The following CDH12 variants were observed in gnomAD, a reference collection of about 807,000 sequenced individuals.
CDH12 encodes the protein cadherin 12, also known as cadherin-12.
A neutral mutation model predicts 74.1 loss-of-function variants in CDH12; 41 were observed. The observed-to-expected ratio is 0.55, with a 90% CI of 0.43 to 0.72. The LOEUF (loss-of-function observed/expected upper bound fraction) is 0.72, where lower values mean the gene tolerates loss of function less well. Ranked by LOEUF, CDH12 falls within the 30% of genes least tolerant of loss-of-function variation. CDH12 has a pLI of 0.00. For missense variants in CDH12, 945 were observed against 977.2 expected, an observed-to-expected ratio of 0.97 and a Z score of 0.44; for synonymous variants, 399 against 355.0, an observed-to-expected ratio of 1.12 and a Z score of -1.39.
At chr5:22,709,280 C>T (rs1353214789) in intron 1 of CDH12, among the ~76,000 whole-genome samples, 1 of 152,016 alleles carries the variant, frequency 6.6e-6, no homozygotes, top group Admixed American at 6.6e-5. Flanking sequence ...CATTGAAAAG[C>T]TATATTTGTT....
chr5:22,160,983 G>A (rs1748310538), intron 4 of CDH12, among the ~76,000 whole-genome samples: 1 of 152,150 alleles, frequency 6.6e-6, no homozygotes, highest in Non-Finnish European at 1.5e-5. Flanking sequence ...AGTCATGCAT[G>A]GCTCTGCACG....
At chr5:22,803,515 C>G (rs1748637714) in intron 1 of CDH12, among the ~76,000 whole-genome samples, 1 of 152,122 alleles carries the variant, frequency 6.6e-6, no homozygotes, top group Non-Finnish European at 1.5e-5. Flanking sequence ...AATCAGACTC[C>G]AAGTTTTTGG....
chr5:21,923,265 A>T (rs1754440534), intron 6 of CDH12, among the ~76,000 whole-genome samples: 1 of 152,158 alleles, frequency 6.6e-6, no homozygotes, highest in Non-Finnish European at 1.5e-5. Context: ...AAAATCTTTT[A>T]AAAAAGATTT....
intron 3 of CDH12, among the ~76,000 whole-genome samples, chr5:22,343,629 A>G (rs963115840): frequency 6.6e-5 from 10 of 152,114 alleles, no homozygotes; most frequent in Non-Finnish European, 1.3e-4. Context: ...TGTGTTAGCC[A>G]GGATGGTCTC....
At chr5:22,368,759 A>G (rs966157562) in intron 3 of CDH12, among the ~76,000 whole-genome samples, 4 of 152,156 alleles carry the variant, frequency 2.6e-5, no homozygotes, top group Non-Finnish European at 4.4e-5. Flanking sequence ...TTCTAGTGAC[A>G]ATGCACAAAT....
Position 21,751,862 on chromosome 5 carries a change from T to C in CDH12, c.2260A>G (p.Ile754Val), listed in dbSNP as rs776845591. ...TCGGCTTCTGTGGTGAGAGAGTCTA[T>C]AGAGCTGAGGGACTCTGCCACGGAC... ...SGSVAESLSS[I>V]DSLTTEADQD... The change falls in exon 15 of 15, where the codon ATA (isoleucine) becomes GTA (valine). Residue 754 changes from isoleucine (I) to valine (V), a missense_variant. Coordinates refer to ENST00000382254, the MANE Select transcript of CDH12 (RefSeq NM_004061.5). 6.2e-6 allele frequency: 10 copies of C among 1,613,928 alleles called. No homozygotes were observed. The East Asian group carries it at 1.1e-4, about 18-fold the overall frequency.
chr5:21,767,045 A>G (rs1410492883), intron 11 of CDH12, among the ~76,000 whole-genome samples: 1 of 151,924 alleles, frequency 6.6e-6, no homozygotes, highest in African/African-American at 2.4e-5. Flanking sequence ...TTTGACAATT[A>G]TATAGGTACT....
intron 3 of CDH12, among the ~76,000 whole-genome samples, chr5:22,316,787 A>T (rs971809700): frequency 2.6e-5 from 4 of 152,162 alleles, no homozygotes; most frequent in African/African-American, 9.7e-5. Context: ...GTTATTTAAT[A>T]CTATAATGAT....
chr5:22,762,134 T>A (rs1360515215), intron 1 of CDH12, among the ~76,000 whole-genome samples: 3 of 152,098 alleles, frequency 2.0e-5, no homozygotes, highest in African/African-American at 7.2e-5. Flanking sequence ...AACCTATACA[T>A]CACCCAGTTA....
intron 5 of CDH12, among the ~76,000 whole-genome samples, chr5:21,980,109 C>T (rs1396582634): frequency 1.3e-5 from 2 of 149,950 alleles, no homozygotes; most frequent in Non-Finnish European, 3.0e-5. Flanking sequence ...CTGTTCATGT[C>T]CTTCGCCCAC....
At chr5:22,722,520 T>C (rs931659751) in intron 1 of CDH12, among the ~76,000 whole-genome samples, 4 of 152,204 alleles carry the variant, frequency 2.6e-5, no homozygotes, top group African/African-American at 9.7e-5. Context: ...TATGATAAAA[T>C]GTGCATAATG....
chr5:22,385,700 A>G (rs1372517446), intron 3 of CDH12, among the ~76,000 whole-genome samples: 4 of 152,140 alleles, frequency 2.6e-5, no homozygotes, highest in Non-Finnish European at 4.4e-5. Context: ...ACTGCTATAA[A>G]GAACTACCTG....
At chr5:22,362,808 A>G (rs1260770302) in intron 3 of CDH12, among the ~76,000 whole-genome samples, 2 of 151,706 alleles carry the variant, frequency 1.3e-5, no homozygotes, top group Non-Finnish European at 2.9e-5. Context: ...GGAAACCATC[A>G]TTCTCAGCAA....
chr5:21,778,296 A>G (rs866085055), intron 11 of CDH12, among the ~76,000 whole-genome samples: 3 of 152,046 alleles, frequency 2.0e-5, no homozygotes, highest in South Asian at 2.1e-4. Flanking sequence ...GTGAACAAGA[A>G]CACTCACTCT....
At chr5:22,143,368 CTTTTTTTTT>C (rs1226376777) in intron 4 of CDH12, 1 of 102,566 alleles carries the variant, frequency 9.7e-6, no homozygotes, top group Non-Finnish European at 2.0e-5. Flanking sequence ...TATAATATTC[CTTTTTTTTT>C]TTTTTTTTTT....
At chr5:22,060,212 A>G (rs1243755054) in intron 5 of CDH12, among the ~76,000 whole-genome samples, 3 of 151,830 alleles carry the variant, frequency 2.0e-5, no homozygotes, top group African/African-American at 7.3e-5. Context: ...GCAAACTAAC[A>G]CAGGAGCAGA....
rs869052527 is a variant in CDH12, at chr5:22,191,566, A to ATT, written c.-187+20930_-187+20931dup. Reference sequence around the variant, plus strand: ...ATACACCAATGGTCTTTTTATTTTTATTTTTTTTTTTTTTTTGAGACGGAG... The same window carrying ATT: ...ATACACCAATGGTCTTTTTATTTTTATTTTTTTTTTTTTTTTTTGAGACGGAG... On this transcript the variant is annotated intron_variant, in intron 4 of 14. Transcript: ENST00000382254. Among the ~76,000 whole-genome samples the ATT allele has an allele frequency of 1.2e-4, 3 of 24,642 alleles. 1 individual carries two copies. Among genetic ancestry groups the ATT allele is most frequent in the African/African-American group, 1.9e-4 (3 of 15,788 alleles). The allele number at this position is 24,642 out of a possible 152,430, so 16.2% of individuals were successfully genotyped here.
intron 5 of CDH12, among the ~76,000 whole-genome samples, chr5:22,018,001 C>T (rs972391196): frequency 2.0e-4 from 31 of 152,158 alleles, no homozygotes; most frequent in African/African-American, 6.8e-4. Flanking sequence ...TCAGGTGATC[C>T]GCCCACCTTG....
At chr5:22,792,675 TG>T (rs1747977485) in intron 1 of CDH12, among the ~76,000 whole-genome samples, 1 of 152,114 alleles carries the variant, frequency 6.6e-6, no homozygotes, top group Non-Finnish European at 1.5e-5. Context: ...TTTGTAAATT[TG>T]GTGAATTTGA....
Sources: allele counts gnomAD v4.1 joint callset (sites outside exome capture counted in the v4.1 genomes callset), GRCh38; gene constraint gnomAD v4.1.1; transcripts MANE v1.5; gene names NCBI Gene and HGNC (gene_info 2026-07-23, HGNC 2026-07-21).